The following LRP1B variants were observed in gnomAD, a reference collection of about 807,000 sequenced individuals.
LRP1B encodes the protein low-density lipoprotein receptor-related protein 1B.
A neutral mutation model predicts 556.6 loss-of-function variants in LRP1B; 217 were observed. That is an observed-to-expected ratio of 0.39 (90% confidence interval 0.35 to 0.44). The LOEUF is 0.44. LRP1B is among the 20% of genes least tolerant of loss of function. The pLI, the probability that LRP1B is intolerant of heterozygous loss-of-function variation, is 1.00. For synonymous variants in LRP1B, 2,047 were observed against 1,865.8 expected (o/e 1.10, Z -2.50); for missense variants, 5,053 against 5,620.8 (o/e 0.90, Z 3.23).
At chr2:141,078,749 G>A (rs72983183) in intron 7 of LRP1B, among the ~76,000 whole-genome samples, 1,935 of 152,130 alleles carry the variant, frequency 0.013, 48 homozygotes, top group African/African-American at 0.045. Flanking sequence ...TATCAATAGT[G>A]GGTCTACTAA....
intron 32 of LRP1B, among the ~76,000 whole-genome samples, chr2:140,797,656 T>C (rs1331162398): frequency 6.6e-6 from 1 of 152,122 alleles, no homozygotes; most frequent in Non-Finnish European, 1.5e-5. Context: ...TCATTGTAAA[T>C]ATATGCATAA....
At position 140,950,368 on chromosome 2, in the gene LRP1B, G is replaced by A; in HGVS notation, c.3003C>T (p.Gly1001=). The A allele has an allele frequency of 1.2e-6, 2 of 1,611,568 alleles. No homozygotes were observed. Among genetic ancestry groups the A allele is most frequent in the Non-Finnish European group, 1.7e-6 (2 of 1,178,938 alleles). The change falls in exon 20 of 91, where the codon GGC becomes GGT. Residue 1001 remains glycine (G), a synonymous_variant. Transcript: ENST00000389484. ...DDCGDGSDEV[G]CVHSCFDNQF... ...GATTATCAAAGCAAGAGTGAACACA[G>A]CCCACCTCATCACTCCCGTCCCCAC...
chr2:140,238,375 T>A, intron 88 of LRP1B, 79 bp from the exon 89 acceptor site: 1 of 692,610 alleles, frequency 1.4e-6, no homozygotes, highest in Non-Finnish European at 2.3e-6. Context: ...ATTTATAGAT[T>A]TACTGACTTA....
At chr2:141,169,481 A>G (rs1680406608) in intron 7 of LRP1B, among the ~76,000 whole-genome samples, 1 of 151,984 alleles carries the variant, frequency 6.6e-6, no homozygotes, top group Non-Finnish European at 1.5e-5. Flanking sequence ...AATGTTTTCC[A>G]TGACAGGTAC....
intron 27 of LRP1B, among the ~76,000 whole-genome samples, chr2:140,865,801 A>G (rs746003942): frequency 6.6e-6 from 1 of 152,150 alleles, no homozygotes; most frequent in African/African-American, 2.4e-5. Context: ...AAAGAGGAAA[A>G]ATCATATATA....
chr2:140,858,311 G>A (rs1692678983), intron 27 of LRP1B, among the ~76,000 whole-genome samples: 1 of 151,776 alleles, frequency 6.6e-6, no homozygotes, highest in Non-Finnish European at 1.5e-5. Context: ...ATACATGTTA[G>A]ATCACATAAA....
intron 43 of LRP1B, among the ~76,000 whole-genome samples, chr2:140,546,000 T>G (rs952177698): frequency 7.0e-6 from 1 of 142,602 alleles, no homozygotes; most frequent in African/African-American, 2.6e-5. Flanking sequence ...TATTATTAGG[T>G]TGTGTGTGTG....
At chr2:141,287,467 T>C (rs1685765068) in intron 3 of LRP1B, among the ~76,000 whole-genome samples, 3 of 151,932 alleles carry the variant, frequency 2.0e-5, no homozygotes, top group Non-Finnish European at 4.4e-5. Flanking sequence ...GGACTACAGG[T>C]GCCCACCACC....
chr2:141,302,677 T>C (rs1402110940), intron 3 of LRP1B, among the ~76,000 whole-genome samples: 1 of 152,096 alleles, frequency 6.6e-6, no homozygotes, highest in African/African-American at 2.4e-5. Flanking sequence ...GTCTTCTTCC[T>C]TTTTCTCATG....
intron 37 of LRP1B, among the ~76,000 whole-genome samples, chr2:140,712,696 C>T (rs1002745637): frequency 2.0e-5 from 3 of 152,042 alleles, no homozygotes; most frequent in African/African-American, 7.2e-5. Flanking sequence ...TATATGCTAG[C>T]TCCACTTTCT....
chr2:140,763,987 A>C (rs16844638), intron 35 of LRP1B, among the ~76,000 whole-genome samples: 4,830 of 152,216 alleles, frequency 0.032, 244 homozygotes, highest in African/African-American at 0.11. Flanking sequence ...TAGCCAAGAA[A>C]ATGGTTTTCA....
intron 2 of LRP1B, among the ~76,000 whole-genome samples, chr2:141,502,079 T>A (rs529788637): frequency 5.8e-4 from 89 of 152,262 alleles, no homozygotes; most frequent in African/African-American, 2.1e-3. Flanking sequence ...CAAACAAATA[T>A]AAGATTGAGT....
chr2:140,994,662 TATTA>T (rs138219244), intron 15 of LRP1B, among the ~76,000 whole-genome samples: 16,301 of 152,024 alleles, frequency 0.11, 953 homozygotes, highest in East Asian at 0.2. Context: ...ATGATGGATA[TATTA>T]ATTAGACTAT....
At chr2:141,846,527 TA>T (rs1163710810) in intron 1 of LRP1B, among the ~76,000 whole-genome samples, 1 of 151,570 alleles carries the variant, frequency 6.6e-6, no homozygotes, top group Non-Finnish European at 1.5e-5. Flanking sequence ...TCCCTCAATC[TA>T]AACCATGTAA....
At chr2:140,324,116 C>T (rs1427512598) in intron 80 of LRP1B, 50 bp from the exon 81 acceptor site, 3 of 1,114,918 alleles carry the variant, frequency 2.7e-6, no homozygotes, top group Non-Finnish European at 3.9e-6. Flanking sequence ...TATACTCAGA[C>T]TTTAAAAACT....
intron 2 of LRP1B, among the ~76,000 whole-genome samples, chr2:141,619,666 C>T (rs1209418712): frequency 1.3e-5 from 2 of 152,120 alleles, no homozygotes; most frequent in Non-Finnish European, 2.9e-5. Context: ...TTCAAATTAT[C>T]TGGAGCTTAG....
chr2:140,915,767 A>T (rs1694556844), intron 21 of LRP1B, among the ~76,000 whole-genome samples: 1 of 152,108 alleles, frequency 6.6e-6, no homozygotes. Flanking sequence ...AAGGGAAACA[A>T]CTAGAGTAGG....
intron 2 of LRP1B, among the ~76,000 whole-genome samples, chr2:141,600,930 G>C (rs1322963457): frequency 1.3e-5 from 2 of 152,132 alleles, no homozygotes; most frequent in African/African-American, 4.8e-5. Flanking sequence ...GATTAGGGTT[G>C]AGCTGTCCAT....
At position 142,005,230 on chromosome 2, in the gene LRP1B, A is replaced by G. The variant is rs115010854; in HGVS notation, c.82+125418T>C. ...AGACCACTCGGTTCAAAAATGTACA[A>G]TTAGCTATATGTAGGCACATTCAAT... On this transcript the variant is annotated intron_variant, in intron 1 of 90. Coordinates refer to ENST00000389484, the MANE Select transcript of LRP1B (RefSeq NM_018557.3). Among the ~76,000 whole-genome samples, 769 of 151,822 alleles carry G rather than the reference A, an allele frequency of 5.1e-3. 7 individuals carry two copies. Among genetic ancestry groups the G allele is most frequent in the Non-Finnish European group, 9.0e-3 (610 of 67,924 alleles).
Sources: gnomAD v4.1 joint callset for allele counts (sites outside exome capture counted in the v4.1 genomes callset) on GRCh38, gnomAD v4.1.1 for gene constraint, MANE v1.5 for transcripts, NCBI Gene and HGNC (gene_info 2026-07-23, HGNC 2026-07-21) for gene names.